Variants in FHOD3 observed in about 807,000 individuals in gnomAD.
FHOD3 encodes the protein FH1/FH2 domain-containing protein 3.
FHOD3 carries 90 observed loss-of-function variants against 173.0 expected under a neutral mutation model. The observed-to-expected ratio is 0.52, with a 90% CI of 0.44 to 0.62. The LOEUF (loss-of-function observed/expected upper bound fraction) is 0.62, where lower values mean the gene tolerates loss of function less well. FHOD3 is among the 20% of genes least tolerant of loss of function. The probability of loss-of-function intolerance (pLI) is 0.00; values close to 1 mark genes in which losing one functional copy is unlikely to be tolerated. For missense variants in FHOD3, 1,945 were observed against 2,034.7 expected, an observed-to-expected ratio of 0.96 and a Z score of 0.85; for synonymous variants, 828 against 823.0, an observed-to-expected ratio of 1.01 and a Z score of -0.10.
In FHOD3 at chr18:36,632,618, T is replaced by C. The variant is rs1163639864; in HGVS notation, c.1196+6869T>C. On this transcript the variant is annotated intron_variant, in intron 10 of 28. Transcript: ENST00000590592. ...TCCAATTCGTGAGTCCCGTCCCGTGTGGCTTTTAGGCATCATGCTTGCTCA... is the reference window on the plus strand; with the variant it reads ...TCCAATTCGTGAGTCCCGTCCCGTGCGGCTTTTAGGCATCATGCTTGCTCA... 3.3e-5 allele frequency among the ~76,000 whole-genome samples: 5 copies of C among 152,196 alleles called. No homozygotes were observed. The East Asian group carries it at 9.6e-4, about 29-fold the overall frequency.
At chr18:36,464,130 A>G (rs1036247685) in intron 3 of FHOD3, among the ~76,000 whole-genome samples, 3 of 152,198 alleles carry the variant, frequency 2.0e-5, no homozygotes, top group Non-Finnish European at 4.4e-5. Context: ...CTTGGACCGT[A>G]TCTGTGGCCA....
At chr18:36,526,984 C>T (rs2056548888) in intron 5 of FHOD3, among the ~76,000 whole-genome samples, 2 of 152,174 alleles carry the variant, frequency 1.3e-5, no homozygotes, top group Admixed American at 6.5e-5. Context: ...TTGTAAATTA[C>T]AGTTGAGATG....
intron 10 of FHOD3, among the ~76,000 whole-genome samples, chr18:36,643,301 G>A (rs1315707080): frequency 6.6e-6 from 1 of 151,758 alleles, no homozygotes; most frequent in Non-Finnish European, 1.5e-5. Context: ...CTTTGTCGTG[G>A]GGGCTATTCT....
intron 3 of FHOD3, among the ~76,000 whole-genome samples, chr18:36,438,623 G>A (rs557462466): frequency 2.6e-5 from 4 of 152,220 alleles, no homozygotes; most frequent in African/African-American, 7.2e-5. Context: ...GCAGTCACCC[G>A]ACCCAGAGGC....
At chr18:36,660,357 G>A (rs1401885469) in intron 14 of FHOD3, among the ~76,000 whole-genome samples, 1 of 152,110 alleles carries the variant, frequency 6.6e-6, no homozygotes, top group Admixed American at 6.5e-5. Context: ...GACCACTGGA[G>A]CTGTTCAAGT....
chr18:36,772,643 C>T (rs1251460547), intron 28 of FHOD3, among the ~76,000 whole-genome samples: 2 of 152,228 alleles, frequency 1.3e-5, no homozygotes, highest in African/African-American at 4.8e-5. Context: ...ACATGCCGAA[C>T]GTCCCACTGA....
At chr18:36,622,291 A>G (rs79289719) in intron 9 of FHOD3, among the ~76,000 whole-genome samples, 9,934 of 152,244 alleles carry the variant, frequency 0.065, 483 homozygotes, top group East Asian at 0.25. Flanking sequence ...ACAATAATGT[A>G]TCGTACACTT....
chr18:36,395,037 A>G (rs1051013539), intron 3 of FHOD3, among the ~76,000 whole-genome samples: 3 of 152,240 alleles, frequency 2.0e-5, no homozygotes, highest in Admixed American at 2.0e-4. Context: ...CAAGAACACA[A>G]GAGTGGATAG....
intron 23 of FHOD3, 125 bp downstream of exon 23, chr18:36,744,318 C>G: frequency 1.1e-6 from 1 of 920,458 alleles, no homozygotes; most frequent in East Asian, 2.6e-5. Context: ...ATTCTCTGCT[C>G]TGGAGTTTAT....
intron 5 of FHOD3, among the ~76,000 whole-genome samples, chr18:36,544,210 A>T (rs1317967293): frequency 1.3e-5 from 2 of 152,210 alleles, no homozygotes; most frequent in Non-Finnish European, 1.5e-5. Context: ...GCCTGGCAGG[A>T]GAGATGCTCT....
intron 1 of FHOD3, among the ~76,000 whole-genome samples, chr18:36,350,311 C>T (rs1389946661): frequency 6.6e-6 from 1 of 152,226 alleles, no homozygotes; most frequent in Admixed American, 6.5e-5. Context: ...TGCCTCCCAC[C>T]AGAATCCTGG....
chr18:36,560,945 C>T (rs970573701), intron 5 of FHOD3, among the ~76,000 whole-genome samples: 1 of 148,538 alleles, frequency 6.7e-6, no homozygotes, highest in Non-Finnish European at 1.5e-5. Flanking sequence ...GGTGCCTTTT[C>T]ATATATTTTT....
intron 9 of FHOD3, among the ~76,000 whole-genome samples, chr18:36,620,417 A>C (rs1198555848): frequency 6.6e-6 from 1 of 152,190 alleles, no homozygotes; most frequent in African/African-American, 2.4e-5. Flanking sequence ...GCAAGATGGA[A>C]GGGGCTCCTT....
intron 28 of FHOD3, among the ~76,000 whole-genome samples, chr18:36,773,140 A>T (rs2043464790): frequency 1.3e-5 from 2 of 152,230 alleles, no homozygotes; most frequent in Non-Finnish European, 1.5e-5. Flanking sequence ...TCGGGGTTAG[A>T]GAGGCAGATG....
chr18:36,537,966 A>C (rs2147030766), intron 5 of FHOD3, among the ~76,000 whole-genome samples: 1 of 152,312 alleles, frequency 6.6e-6, no homozygotes, highest in South Asian at 2.1e-4. Flanking sequence ...CAACAAATTT[A>C]AAATAACTAA....
At chr18:36,361,413 T>C (rs531179299) in intron 2 of FHOD3, among the ~76,000 whole-genome samples, 11 of 152,138 alleles carry the variant, frequency 7.2e-5, no homozygotes, top group African/African-American at 2.6e-4. Flanking sequence ...AGGCTGGGCA[T>C]GGTGGCTCAC....
chr18:36,300,628 G>T (rs112603062), intron 1 of FHOD3, among the ~76,000 whole-genome samples: 46 of 152,278 alleles, frequency 3.0e-4, no homozygotes, highest in African/African-American at 7.9e-4. Context: ...TGCAGCGAGC[G>T]CATTCTCAGT....
Position 36,744,022 on chromosome 18 carries a change from T to G in FHOD3, c.3880-10T>G. On this transcript the variant is annotated splice_polypyrimidine_tract_variant and intron_variant, in intron 22 of 28. Coordinates refer to ENST00000590592, the MANE Select transcript of FHOD3 (RefSeq NM_001281740.3). ...TTGAAACATGTCTTTTATTGATGTT[T>G]GCAAAACAGGCCAAAGCGTTTGAGT... 1 of 1,614,114 alleles carries G rather than the reference T, an allele frequency of 6.2e-7. No homozygotes were observed. The highest frequency in any genetic ancestry group is 1.7e-5 in the Admixed American group (1 of 60,020).
At chr18:36,463,189 G>T (rs948757668) in intron 3 of FHOD3, among the ~76,000 whole-genome samples, 4 of 151,472 alleles carry the variant, frequency 2.6e-5, no homozygotes, top group African/African-American at 9.7e-5. Context: ...ATCCAAATTA[G>T]TTAGGTGGTT....
Sources: allele counts gnomAD v4.1 joint callset (sites outside exome capture counted in the v4.1 genomes callset), GRCh38; gene constraint gnomAD v4.1.1; transcripts MANE v1.5; gene names NCBI Gene and HGNC (gene_info 2026-07-23, HGNC 2026-07-21).